The following CKMT2 variants were observed in gnomAD, a reference collection of about 807,000 sequenced individuals.
CKMT2 encodes the protein creatine kinase S-type, mitochondrial.
Under a neutral mutation model 48.9 loss-of-function variants are expected in CKMT2, and 43 were observed. The ratio of observed to expected loss-of-function variants is 0.88; its 90% CI spans 0.69 to 1.13. CKMT2 has a LOEUF of 1.13. CKMT2 is among the 50% of genes most tolerant of loss of function. CKMT2 has a pLI of 0.00. For missense variants in CKMT2, 472 were observed against 555.4 expected, an observed-to-expected ratio of 0.85 and a Z score of 1.51; for synonymous variants, 206 against 213.0, an observed-to-expected ratio of 0.97 and a Z score of 0.29.
At chr5:81,234,185 G>A (rs762762575) in intron 1 of CKMT2, among the ~76,000 whole-genome samples, 4 of 152,048 alleles carry the variant, frequency 2.6e-5, no homozygotes, top group Non-Finnish European at 5.9e-5. Flanking sequence ...GCTCTCCTCC[G>A]AATGTGAGGA....
rs764562887 is a variant in CKMT2, at chr5:81,252,834, C to A, written c.292C>A (p.Pro98Thr). ...GTGCATCCAGACTGGAGTGGACAAC[C>A]CTGGCCACCCCTTCATAAAGACTGT... Reference protein sequence around the residue: ...DQCIQTGVDNPGHPFIKTVGM... With the variant: ...DQCIQTGVDNTGHPFIKTVGM... Residue 98 changes from proline (P) to threonine (T), a missense_variant, in exon 3 of 10, where the codon CCT becomes ACT. Pro to Thr is a conservative substitution (Grantham distance 38). Coordinates refer to ENST00000254035, the MANE Select transcript of CKMT2 (RefSeq NM_001099735.2). The A allele has an allele frequency of 6.2e-7, 1 of 1,614,118 alleles. No homozygotes were observed. Among genetic ancestry groups the A allele is most frequent in the African/African-American group, 1.3e-5 (1 of 74,928 alleles).
chr5:81,263,014 T>G (rs1757275125), intron 8 of CKMT2, among the ~76,000 whole-genome samples: 1 of 152,180 alleles, frequency 6.6e-6, no homozygotes, highest in Non-Finnish European at 1.5e-5. Flanking sequence ...GATGAGTTCA[T>G]GTCCTTTGCA....
chr5:81,252,805 A>C lies in CKMT2; in HGVS notation c.263A>C (p.Asp88Ala). 6.2e-7 allele frequency: 1 copy of C among 1,614,208 alleles called. No individual in the cohort carries two copies. Among genetic ancestry groups the C allele is most frequent in the East Asian group, 2.2e-5 (1 of 44,888 alleles). ...GTGACACCCAACGGCTACACGCTGG[A>C]CCAGTGCATCCAGACTGGAGTGGAC... ...NKVTPNGYTL[D>A]QCIQTGVDNP... The change falls in exon 3 of 10, where the codon GAC (aspartate) becomes GCC (alanine). Residue 88 changes from aspartate (D) to alanine (A), a missense_variant. Transcript: ENST00000254035.
intron 1 of CKMT2, among the ~76,000 whole-genome samples, chr5:81,242,016 G>A (rs956795286): frequency 6.6e-6 from 1 of 151,810 alleles, no homozygotes; most frequent in African/African-American, 2.4e-5. Flanking sequence ...TACTCTGCTG[G>A]CTTTCGTCTG....
intron 9 of CKMT2, among the ~76,000 whole-genome samples, chr5:81,265,122 G>T (rs1057048761): frequency 1.3e-5 from 2 of 152,114 alleles, no homozygotes; most frequent in Admixed American, 6.6e-5. Flanking sequence ...GAATTCCTGG[G>T]TTAAAACCAG....
rs1277350253 is a variant in CKMT2 at position 81,259,128 on chromosome 5, G to T, written c.888G>T (p.Arg296=). Residue 296 remains arginine, a synonymous_variant, in exon 8 of 10, where the codon CGG becomes CGT. Transcript: ENST00000254035. ...RFCRGLKEVE[R]LIQERGWEFM... The stretch of plus-strand genomic sequence containing the variant: ...TGTGGTTCTACTTGTAGGTAGAACG[G>T]TTAATCCAAGAACGAGGCTGGGAGT... The T allele has an allele frequency of 1.9e-6, 3 of 1,612,894 alleles. No individual in the cohort carries two copies. The highest frequency in any genetic ancestry group is 2.5e-6 in the Non-Finnish European group (3 of 1,179,506).
chr5:81,250,765 A>G (rs986379667), intron 1 of CKMT2: 7 of 159,978 alleles, frequency 4.4e-5, no homozygotes, highest in Non-Finnish European at 9.6e-5. Flanking sequence ...GCAAAGTTCA[A>G]TAGAGCATAT....
chr5:81,254,709 T>C (rs1342889147), intron 4 of CKMT2: 1 of 595,850 alleles, frequency 1.7e-6, no homozygotes, highest in African/African-American at 1.9e-5. Context: ...GGGTTGGTCA[T>C]TGGGAACTTT....
intron 1 of CKMT2, among the ~76,000 whole-genome samples, chr5:81,235,275 T>G (rs1311273460): frequency 1.3e-5 from 2 of 152,190 alleles, no homozygotes; most frequent in East Asian, 3.8e-4. Context: ...GTTGGCTGCG[T>G]ACTAAGTGGT....
intron 1 of CKMT2, among the ~76,000 whole-genome samples, chr5:81,239,942 TC>T (rs1756380258): frequency 6.6e-6 from 1 of 152,174 alleles, no homozygotes; most frequent in African/African-American, 2.4e-5. Context: ...AGCGTTTTTT[TC>T]CTCAGACTAA....
In CKMT2 at chr5:81,263,552, T is replaced by C; in HGVS notation, c.1076T>C (p.Val359Ala). 1 of 1,613,246 alleles carries C rather than the reference T, an allele frequency of 6.2e-7. No individual in the cohort carries two copies. The highest frequency in any genetic ancestry group is 8.5e-7 in the Non-Finnish European group (1 of 1,179,480). ...LRLQKRGTGG[V>A]DTAAVADVYD... ...CTCCAGAAGCGTGGCACAGGTGGTG[T>C]GGACACTGCCGCGGTCGCAGATGTG... Residue 359 changes from valine (V) to alanine (A), a missense_variant, in exon 9 of 10, where the codon GTG (valine) becomes GCG (alanine). Val to Ala is a moderately conservative substitution (Grantham distance 64). Coordinates refer to ENST00000254035, the MANE Select transcript of CKMT2 (RefSeq NM_001099735.2).
At chr5:81,259,020 C>A in intron 7 of CKMT2, 100 bp from the exon 8 acceptor site, 1 of 1,129,096 alleles carries the variant, frequency 8.9e-7, no homozygotes, top group East Asian at 2.5e-5. Flanking sequence ...TTCATTCATG[C>A]CAGAGGAGGG....
chr5:81,259,217 G>C lies in CKMT2; in HGVS notation c.977G>C (p.Arg326Pro). The C allele has an allele frequency of 6.2e-7, 1 of 1,614,064 alleles. No homozygotes were observed. The highest frequency in any genetic ancestry group is 8.5e-7 in the Non-Finnish European group (1 of 1,179,970). The change falls in exon 8 of 10, where the codon CGA becomes CCA. Residue 326 changes from arginine to proline, a missense_variant. Transcript: ENST00000254035. ...CCTTCGAACCTTGGAACAGGACTAC[G>C]AGCTGGTGTCCACGTTAGGATCCCA... ...TCPSNLGTGL[R>P]AGVHVRIPKL...
intron 8 of CKMT2, among the ~76,000 whole-genome samples, chr5:81,260,832 A>C (rs1344714710): frequency 2.6e-5 from 4 of 152,244 alleles, no homozygotes; most frequent in Non-Finnish European, 5.9e-5. Flanking sequence ...TCCAAACAAT[A>C]GAAAAAGAGG....
chr5:81,248,037 T>G (rs1443232161), intron 1 of CKMT2, among the ~76,000 whole-genome samples: 1 of 152,180 alleles, frequency 6.6e-6, no homozygotes, highest in African/African-American at 2.4e-5. Context: ...CTTCAAACAT[T>G]AATATTCTGA....
intron 3 of CKMT2, among the ~76,000 whole-genome samples, chr5:81,253,100 C>T (rs978979816): frequency 1.3e-5 from 2 of 152,182 alleles, no homozygotes; most frequent in African/African-American, 4.8e-5. Flanking sequence ...ACAAGGCTTC[C>T]CTTGCTGCTG....
At chr5:81,254,746 T>C in intron 4 of CKMT2, 1 of 596,130 alleles carries the variant, frequency 1.7e-6, no homozygotes, top group Non-Finnish European at 3.0e-6. Context: ...TACTCCCTTT[T>C]TCATCCCAAA....
At chr5:81,241,726 T>C (rs543981154) in intron 1 of CKMT2, among the ~76,000 whole-genome samples, 16 of 152,364 alleles carry the variant, frequency 1.1e-4, no homozygotes, top group African/African-American at 3.4e-4. Context: ...TGGGTCCTAT[T>C]TGCTTGCCCA....
intron 9 of CKMT2, 97 bp downstream of exon 9, chr5:81,263,713 G>C: frequency 8.5e-7 from 1 of 1,181,482 alleles, no homozygotes; most frequent in South Asian, 1.7e-5. Flanking sequence ...CAAAATTCGA[G>C]ACCTCCTCTT....
Sources: gnomAD v4.1 joint callset for allele counts (sites outside exome capture counted in the v4.1 genomes callset) on GRCh38, gnomAD v4.1.1 for gene constraint, MANE v1.5 for transcripts, NCBI Gene and HGNC (gene_info 2026-07-23, HGNC 2026-07-21) for gene names.